Variants in PRIM2 observed in about 807,000 individuals in gnomAD.
PRIM2 encodes the protein DNA primase large subunit.
PRIM2 carries 39 observed loss-of-function variants against 67.3 expected under a neutral mutation model. The observed-to-expected ratio is 0.58, with a 90% CI of 0.45 to 0.76. The LOEUF is 0.76. PRIM2 is among the 30% of genes least tolerant of loss of function. The pLI is 0.00. For synonymous variants in PRIM2, 143 were observed against 198.7 expected, an observed-to-expected ratio of 0.72 and a Z score of 2.36; for missense variants, 398 against 598.7, an observed-to-expected ratio of 0.66 and a Z score of 3.50.
At chr6:57,427,847 A>G (rs1464467385) in intron 7 of PRIM2, among the ~76,000 whole-genome samples, 2 of 152,188 alleles carry the variant, frequency 1.3e-5, no homozygotes, top group African/African-American at 4.8e-5. Context: ...TATAGTTTGT[A>G]TATTGTAATG....
intron 10 of PRIM2, among the ~76,000 whole-genome samples, chr6:57,583,571 A>G (rs1776137285): frequency 6.6e-6 from 1 of 151,822 alleles, no homozygotes; most frequent in Non-Finnish European, 1.5e-5. Flanking sequence ...AATCCAGTCT[A>G]TCATTGTTGG....
chr6:57,238,334 G>A, the PRIM2 span, among the ~76,000 whole-genome samples: 2 of 152,258 alleles, frequency 1.3e-5, no homozygotes, highest in Admixed American at 6.5e-5. Context: ...CTCAGCAAAT[G>A]TAAAAGAACA....
At chr6:57,359,384 G>T (rs1769126475) in intron 5 of PRIM2, among the ~76,000 whole-genome samples, 3 of 152,176 alleles carry the variant, frequency 2.0e-5, no homozygotes, top group South Asian at 4.1e-4. Flanking sequence ...CCCTGTCACG[G>T]TGCCATACAT....
rs1405876499 is a variant in PRIM2 at position 57,569,754 on chromosome 6, CT to C, written c.1021-31328del. Among the ~76,000 whole-genome samples, 230 of 146,082 alleles carry C rather than the reference CT, an allele frequency of 1.6e-3. 3 individuals carry two copies. The East Asian group carries it at 0.018, about 12-fold the overall frequency. On this transcript the variant is annotated intron_variant, in intron 10 of 13. Coordinates refer to ENST00000615550, the MANE Select transcript of PRIM2 (RefSeq NM_000947.5). The stretch of plus-strand genomic sequence containing the variant: ...ATTTCAGTTCTTACCCTTTTCTTTT[CT>C]TTTTTTTTTTGAGATGGAGTCTTGC...
rs200462043 is a variant in PRIM2, at chr6:57,453,723, C to T, written c.694-53664C>T. Among the ~76,000 whole-genome samples, 25 of 152,154 alleles carry T rather than the reference C, an allele frequency of 1.6e-4. 1 individual carries two copies. Among genetic ancestry groups the T allele is most frequent in the Admixed American group, 1.3e-3 (20 of 15,276 alleles). On this transcript the variant is annotated intron_variant, in intron 7 of 13. Transcript: ENST00000615550. ...GGGTTTTCTAAATATACAATCATGT[C>T]ATCTGCAAACAGGGACGATTTGACT...
intron 13 of PRIM2, among the ~76,000 whole-genome samples, chr6:57,635,298 A>T (rs1419557707): frequency 1.3e-5 from 2 of 152,250 alleles, no homozygotes; most frequent in Admixed American, 1.3e-4. Context: ...GAAATATGAG[A>T]CCCATGTTTG....
At chr6:57,321,818 A>G (rs547284015) in intron 3 of PRIM2, among the ~76,000 whole-genome samples, 1 of 152,338 alleles carries the variant, frequency 6.6e-6, no homozygotes, top group South Asian at 2.1e-4. Flanking sequence ...CCTATTTTAC[A>G]GATACAGCCT....
chr6:57,419,835 C>A (rs1771405178), intron 7 of PRIM2, among the ~76,000 whole-genome samples: 1 of 152,104 alleles, frequency 6.6e-6, no homozygotes, highest in Non-Finnish European at 1.5e-5. Context: ...TAGAAGACAG[C>A]ACTCAAATTC....
the PRIM2 span, among the ~76,000 whole-genome samples, chr6:57,261,580 C>A: frequency 8.5e-5 from 13 of 152,214 alleles, no homozygotes; most frequent in African/African-American, 3.1e-4. Context: ...ATGGCCTCAA[C>A]TTCTCTGCTC....
intron 5 of PRIM2, among the ~76,000 whole-genome samples, chr6:57,335,815 A>G (rs201823647): frequency 0.057 from 8,617 of 152,284 alleles, 285 homozygotes; most frequent in Middle Eastern, 0.11. Context: ...TCCTCCTCCA[A>G]AGGAACGCAG....
At chr6:57,475,630 A>G (rs1156270326) in intron 7 of PRIM2, among the ~76,000 whole-genome samples, 1 of 152,162 alleles carries the variant, frequency 6.6e-6, no homozygotes, top group Admixed American at 6.5e-5. Context: ...AACTCCCAGC[A>G]TTGTTTTGAC....
In PRIM2 at chr6:57,416,464, G is replaced by T. The variant is rs534286559; in HGVS notation, c.693+34296G>T. Among the ~76,000 whole-genome samples, 17 of 152,250 alleles carry T rather than the reference G, an allele frequency of 1.1e-4. 1 individual carries two copies. The highest frequency in any genetic ancestry group is 1.8e-4 in the Non-Finnish European group (12 of 68,022). On this transcript the variant is annotated intron_variant, in intron 7 of 13. Coordinates refer to ENST00000615550, the MANE Select transcript of PRIM2 (RefSeq NM_000947.5). ...TTAAGGGCCCTAGGATTTTCAGAAT[G>T]GTAAATGAGCTTTGGCTTCCACTTA... is the stretch of plus-strand genomic sequence containing the variant.
chr6:57,401,058 T>C (rs1011011313), intron 7 of PRIM2, among the ~76,000 whole-genome samples: 4 of 152,194 alleles, frequency 2.6e-5, no homozygotes, highest in Non-Finnish European at 4.4e-5. Flanking sequence ...TGAGTCTTGA[T>C]GATCTTTATT....
At chr6:57,608,199 T>G (rs1227442744) in intron 12 of PRIM2, among the ~76,000 whole-genome samples, 2 of 151,872 alleles carry the variant, frequency 1.3e-5, no homozygotes, top group Non-Finnish European at 2.9e-5. Context: ...AGAAAATACA[T>G]TAAGGTAGTG....
intron 7 of PRIM2, among the ~76,000 whole-genome samples, chr6:57,410,960 A>T (rs1771069992): frequency 6.6e-6 from 1 of 151,054 alleles, no homozygotes; most frequent in Admixed American, 6.6e-5. Context: ...TATAGCTTGG[A>T]TATTTGTCCC....
At position 57,542,870 on chromosome 6, in the gene PRIM2, A is replaced by C. The variant is rs1461134549; in HGVS notation, c.1020+5245A>C. ...ATTGAACCATTGTATCTATTTGTTAAGTGATACATACAATTAAAAATATTC... is the reference window on the plus strand; with the variant it reads ...ATTGAACCATTGTATCTATTTGTTACGTGATACATACAATTAAAAATATTC... On this transcript the variant is annotated intron_variant, in intron 10 of 13. Coordinates refer to ENST00000615550, the MANE Select transcript of PRIM2 (RefSeq NM_000947.5). Among the ~76,000 whole-genome samples the C allele has an allele frequency of 2.6e-5, 4 of 151,062 alleles. No individual in the cohort carries two copies. In the East Asian group the frequency reaches 7.7e-4, roughly 29 times the overall value.
intron 7 of PRIM2, among the ~76,000 whole-genome samples, chr6:57,450,986 T>C (rs1469848279): frequency 1.3e-5 from 2 of 152,150 alleles, no homozygotes; most frequent in Non-Finnish European, 2.9e-5. Context: ...TTCTGGGAAA[T>C]GTTTTCTTAT....
intron 12 of PRIM2, among the ~76,000 whole-genome samples, chr6:57,625,534 T>C (rs1776934788): frequency 6.6e-6 from 1 of 152,174 alleles, no homozygotes; most frequent in African/African-American, 2.4e-5. Flanking sequence ...TGAATCATGA[T>C]GAAAAGTTTG....
intron 7 of PRIM2, among the ~76,000 whole-genome samples, chr6:57,484,436 T>G (rs1773699172): frequency 6.6e-6 from 1 of 152,200 alleles, no homozygotes; most frequent in Non-Finnish European, 1.5e-5. Context: ...TGAACTCAGT[T>G]TGCTTGGACT....
Sources: allele counts gnomAD v4.1 joint callset (sites outside exome capture counted in the v4.1 genomes callset), GRCh38; gene constraint gnomAD v4.1.1; transcripts MANE v1.5; gene names NCBI Gene and HGNC (gene_info 2026-07-23, HGNC 2026-07-21).